Variants in PIEZO2 observed in about 807,000 individuals in gnomAD.
The protein encoded by PIEZO2 is piezo-type mechanosensitive ion channel component 2.
PIEZO2 carries 172 observed loss-of-function variants against 337.3 expected under a neutral mutation model. The ratio of observed to expected loss-of-function variants is 0.51; its 90% confidence interval spans 0.45 to 0.58. PIEZO2 has a LOEUF of 0.58. Among genes scored for constraint, PIEZO2 ranks in the 20% least tolerant of loss-of-function variants. The pLI, the probability that PIEZO2 is intolerant of heterozygous loss-of-function variation, is 0.00. For synonymous variants in PIEZO2, 1,251 were observed against 1,228.5 expected, an observed-to-expected ratio of 1.02 and a Z score of -0.38; for missense variants, 3,028 against 3,391.3, an observed-to-expected ratio of 0.89 and a Z score of 2.66.
At chr18:11,054,124 A>G (rs1043322717) in intron 2 of PIEZO2, among the ~76,000 whole-genome samples, 1 of 152,254 alleles carries the variant, frequency 6.6e-6, no homozygotes, top group Non-Finnish European at 1.5e-5. Flanking sequence ...AATTTAATGC[A>G]GGACAATCTC....
chr18:10,876,272 A>C (rs1466135172), intron 4 of PIEZO2, among the ~76,000 whole-genome samples: 1 of 152,362 alleles, frequency 6.6e-6, no homozygotes, highest in Admixed American at 6.5e-5. Flanking sequence ...CACAATGCAT[A>C]CTATTATACT....
intron 15 of PIEZO2, among the ~76,000 whole-genome samples, chr18:10,788,839 C>A (rs868216485): frequency 2.0e-5 from 3 of 152,194 alleles, no homozygotes; most frequent in Non-Finnish European, 2.9e-5. Flanking sequence ...TCCTCCCTTG[C>A]CTCCCAAAGT....
rs1429493513 is a variant in PIEZO2 at position 10,878,676 on chromosome 18, C to A, written c.330-7261G>T. ...AAAATTATTAAGCACTTACTATGTG[C>A]CAGACACTGTCTCTAAGCACAGAGT... On this transcript the variant is annotated intron_variant, in intron 4 of 55. Transcript: ENST00000674853. This position sits in a 1 kb window ranked among gnomAD's most constrained non-coding sequence, Gnocchi z 4.3. Among the ~76,000 whole-genome samples the A allele has an allele frequency of 6.6e-6, 1 of 151,918 alleles. No individual in the cohort carries two copies. The highest frequency in any genetic ancestry group is 1.5e-5 in the Non-Finnish European group (1 of 67,994).
chr18:10,808,848 T>C (rs2040082841), intron 7 of PIEZO2, among the ~76,000 whole-genome samples: 1 of 152,226 alleles, frequency 6.6e-6, no homozygotes, highest in African/African-American at 2.4e-5. Flanking sequence ...AGCTAGATAG[T>C]CTCTTGGGTT....
intron 3 of PIEZO2, among the ~76,000 whole-genome samples, chr18:10,911,655 T>G (rs1344509546): frequency 6.6e-6 from 1 of 152,150 alleles, no homozygotes; most frequent in Non-Finnish European, 1.5e-5. Flanking sequence ...CTCGGAAGAC[T>G]GAGGCAGGAG....
intron 1 of PIEZO2, among the ~76,000 whole-genome samples, chr18:11,068,047 G>A (rs956494064): frequency 7.9e-5 from 12 of 152,122 alleles, no homozygotes; most frequent in African/African-American, 2.4e-4. Context: ...TCAGCCTCCC[G>A]AGTAACTGGG....
In PIEZO2 at chr18:11,031,566, T is replaced by A. The variant is rs2036739528; in HGVS notation, c.160+34561A>T. On this transcript the variant is annotated intron_variant, in intron 2 of 55. Transcript: ENST00000674853. The surrounding 1 kb of genome is among the most constrained non-coding windows in gnomAD (Gnocchi z 4.7). ...CACAGAGATGATATTCAAATTATGC[T>A]TTTAAAACATTTTTATAATTACCCA... is the stretch of plus-strand genomic sequence containing the variant. Among the ~76,000 whole-genome samples, 1 of 152,214 alleles carries A rather than the reference T, an allele frequency of 6.6e-6. No individual in the cohort carries two copies. Among genetic ancestry groups the A allele is most frequent in the Admixed American group, 6.5e-5 (1 of 15,286 alleles).
intron 1 of PIEZO2, among the ~76,000 whole-genome samples, chr18:11,066,635 T>A (rs1474429405): frequency 6.6e-6 from 1 of 152,266 alleles, no homozygotes; most frequent in Non-Finnish European, 1.5e-5. Context: ...AGTTTTGCCC[T>A]GTTGCCTAGG....
Position 10,773,474 on chromosome 18 carries a change from CTG to C in PIEZO2, c.2721_2722del (p.Asp907GlufsTer32). ...CTCTCCGTCCTCCTCTGACTCCTCG[CTG>C]TCTTTCCCAAGATCACCCTTCTGGG... On this transcript the variant is annotated frameshift_variant, in exon 20 of 56. Coordinates refer to ENST00000674853, the MANE Select transcript of PIEZO2 (RefSeq NM_001378183.1). LOFTEE classifies it high-confidence loss of function. This position sits in a 1 kb window ranked among gnomAD's most constrained non-coding sequence, Gnocchi z 5.3. 6.5e-7 allele frequency: 1 copy of C among 1,537,452 alleles called. No homozygotes were observed. The highest frequency in any genetic ancestry group is 8.7e-7 in the Non-Finnish European group (1 of 1,146,958).
intron 4 of PIEZO2, among the ~76,000 whole-genome samples, chr18:10,897,491 G>T (rs1044427817): frequency 6.6e-6 from 1 of 152,142 alleles, no homozygotes; most frequent in Admixed American, 6.5e-5. Context: ...ACCCGGCCCA[G>T]ATCTGATGTT....
intron 2 of PIEZO2, among the ~76,000 whole-genome samples, chr18:11,065,746 T>G (rs975956745): frequency 2.6e-5 from 4 of 152,202 alleles, no homozygotes; most frequent in African/African-American, 9.6e-5. Flanking sequence ...CTCGGCCTCT[T>G]CCAGTTGCCA....
rs959880240 is a variant in PIEZO2, at chr18:11,128,853, C to G, written c.64+19672G>C. Reference sequence around the variant, plus strand: ...TTTATATAAACAACAATCTGGAGAACAGGCCTGGGAATGGATATTAAGGGT... The same window carrying G: ...TTTATATAAACAACAATCTGGAGAAGAGGCCTGGGAATGGATATTAAGGGT... On this transcript the variant is annotated intron_variant, in intron 1 of 55. Coordinates refer to ENST00000674853, the MANE Select transcript of PIEZO2 (RefSeq NM_001378183.1). This position sits in a 1 kb window ranked among gnomAD's most constrained non-coding sequence, Gnocchi z 4.1. 6.6e-6 allele frequency among the ~76,000 whole-genome samples: 1 copy of G among 152,104 alleles called. No individual in the cohort carries two copies. Among genetic ancestry groups the G allele is most frequent in the Non-Finnish European group, 1.5e-5 (1 of 68,042 alleles).
At chr18:10,816,887 T>A (rs2040380097) in intron 7 of PIEZO2, among the ~76,000 whole-genome samples, 2 of 152,296 alleles carry the variant, frequency 1.3e-5, no homozygotes, top group Admixed American at 1.3e-4. Context: ...CTTTTCTCAC[T>A]GCAGTTTTAT....
chr18:11,063,262 C>A (rs2038034675), intron 2 of PIEZO2, among the ~76,000 whole-genome samples: 3 of 133,026 alleles, frequency 2.3e-5, no homozygotes, highest in East Asian at 2.3e-4. Context: ...AGGGGAACAT[C>A]ACACACCGGG....
chr18:10,770,406 A>G, intron 20 of PIEZO2, 98 bp from the exon 21 acceptor site: 2 of 1,230,362 alleles, frequency 1.6e-6, no homozygotes, highest in East Asian at 5.2e-5. Flanking sequence ...AGAGGCTGCA[A>G]AATAATTACA....
intron 30 of PIEZO2, among the ~76,000 whole-genome samples, chr18:10,745,643 G>A (rs1322032645): frequency 6.6e-6 from 1 of 152,008 alleles, no homozygotes; most frequent in Non-Finnish European, 1.5e-5. Context: ...TTTTCTTTGT[G>A]GCTCAGGCTG....
intron 32 of PIEZO2, 71 bp from the exon 33 acceptor site, chr18:10,741,173 C>A (rs1598421756): frequency 1.5e-6 from 2 of 1,373,848 alleles, no homozygotes; most frequent in African/African-American, 2.9e-5. Flanking sequence ...CACGCTTTAA[C>A]AACTCAATTG....
In PIEZO2 at chr18:10,940,106, A is replaced by G. The variant is rs1313845304; in HGVS notation, c.287-28878T>C. Among the ~76,000 whole-genome samples the G allele has an allele frequency of 1.3e-5, 2 of 152,304 alleles. No homozygotes were observed. The highest frequency in any genetic ancestry group is 3.9e-4 in the East Asian group (2 of 5,186). ...AACAAACTCCAGGGAGTGGTTCGCC[A>G]GCCTTTCCTACAAAAAAACACACTT... On this transcript the variant is annotated intron_variant, in intron 3 of 55. Transcript: ENST00000674853. The surrounding 1 kb of genome is among the most constrained non-coding windows in gnomAD (Gnocchi z 5.3).
Position 10,800,511 on chromosome 18 carries a change from G to C in PIEZO2, c.1240-36C>G, listed in dbSNP as rs182437579. 1.3e-4 allele frequency: 199 copies of C among 1,500,720 alleles called. 3 individuals carry two copies. The East Asian group carries it at 3.8e-3, about 29-fold the overall frequency. 93.0% of individuals were successfully genotyped at this position (1,500,720 alleles called of 1,614,324 possible). ...TGCAGAGAAAGGGACAACTGTTACA[G>C]CAGCTCTGGGTTTTCAATGCAGACA... On this transcript the variant is annotated intron_variant, in intron 10 of 55. Coordinates refer to ENST00000674853, the MANE Select transcript of PIEZO2 (RefSeq NM_001378183.1).
Sources: gnomAD v4.1 joint callset for allele counts (sites outside exome capture counted in the v4.1 genomes callset) on GRCh38, gnomAD v4.1.1 for gene constraint, Gnocchi (gnomAD v3.1) non-coding constraint, MANE v1.5 for transcripts, NCBI Gene and HGNC (gene_info 2026-07-23, HGNC 2026-07-21) for gene names.